PLXNA4: variants seen among roughly 807,000 people sequenced by gnomAD.
PLXNA4 encodes the protein plexin A4, also known as plexin-A4.
PLXNA4 carries 44 observed loss-of-function variants against 191.8 expected under a neutral mutation model. The ratio of observed to expected loss-of-function variants is 0.23; its 90% CI spans 0.18 to 0.29. The LOEUF is 0.29. Ranked by LOEUF, PLXNA4 falls within the 10% of genes least tolerant of loss-of-function variation. The probability of loss-of-function intolerance (pLI) is 1.00; values close to 1 mark genes in which losing one functional copy is unlikely to be tolerated. For synonymous variants in PLXNA4, 1,082 were observed against 1,009.5 expected (o/e 1.07, Z -1.36); for missense variants, 1,800 against 2,488.8 (o/e 0.72, Z 5.89).
At chr7:132,505,936 C>A (rs1425207687) in intron 2 of PLXNA4, among the ~76,000 whole-genome samples, 1 of 152,130 alleles carries the variant, frequency 6.6e-6, no homozygotes, top group Non-Finnish European at 1.5e-5. Context: ...CAAAGGTTGT[C>A]ACCTGCTAGG....
chr7:132,304,739 C>CT (rs5887565), intron 3 of PLXNA4, among the ~76,000 whole-genome samples: 50,712 of 151,650 alleles, frequency 0.33, 9,855 homozygotes, highest in African/African-American at 0.53. Flanking sequence ...GACTATCCCC[C>CT]GGAGGCATGC....
At chr7:132,463,928 G>A (rs1796606380) in intron 3 of PLXNA4, among the ~76,000 whole-genome samples, 1 of 152,170 alleles carries the variant, frequency 6.6e-6, no homozygotes, top group Non-Finnish European at 1.5e-5. Flanking sequence ...CCAGGAGCCT[G>A]TCCAATACAT....
rs1360791334 is a variant in PLXNA4 at position 132,507,698 on chromosome 7, A to G, written c.996T>C (p.Asp332=). 1 of 1,614,220 alleles carries G rather than the reference A, an allele frequency of 6.2e-7. No individual in the cohort carries two copies. Among genetic ancestry groups the G allele is most frequent in the Admixed American group, 1.7e-5 (1 of 60,026 alleles). ...TGGAGAAGACGGTGAAGAGCAGGTC[A>G]TCATCTGGATGGACTCCAAGGGTCC... ...LGRTLGVHPD[D]DLLFTVFSKG... The change falls in exon 2 of 32, where the codon GAT becomes GAC. Residue 332 remains aspartate, a synonymous_variant. Coordinates refer to ENST00000321063, the MANE Select transcript of PLXNA4 (RefSeq NM_020911.2).
chr7:132,247,699 C>A (rs1455437180), intron 4 of PLXNA4, among the ~76,000 whole-genome samples: 1 of 152,214 alleles, frequency 6.6e-6, no homozygotes, highest in Non-Finnish European at 1.5e-5. Context: ...TTTATTTCTG[C>A]TGGCCAGGGA....
chr7:132,454,299 A>C (rs2117318998), intron 3 of PLXNA4, among the ~76,000 whole-genome samples: 1 of 152,316 alleles, frequency 6.6e-6, no homozygotes, highest in African/African-American at 2.4e-5. Flanking sequence ...CTCATCTCAA[A>C]GTTCTTGTTC....
Position 132,130,339 on chromosome 7 carries a change from CAGAGAGAAAG to C in PLXNA4, c.*130_*139del, listed in dbSNP as rs759010824. ...GGAAGGAGGGAGAAACGGAAAGAGG[CAGAGAGAAAG>C]AGAGAGAAACAGCGCTGCTCAGGGG... On this transcript the variant is annotated 3_prime_UTR_variant, in exon 32 of 32. Coordinates refer to ENST00000321063, the MANE Select transcript of PLXNA4 (RefSeq NM_020911.2). 24 of 1,184,380 alleles carry C rather than the reference CAGAGAGAAAG, an allele frequency of 2.0e-5. No homozygotes were observed. The highest frequency in any genetic ancestry group is 6.0e-5 in the African/African-American group (4 of 67,188). 73.4% of individuals were successfully genotyped at this position (1,184,380 alleles called of 1,614,324 possible). A position where few individuals can be genotyped will look rare whatever the true frequency, so the allele number is the denominator to read the frequency against.
At chr7:132,437,342 G>A (rs2241732) in intron 3 of PLXNA4, among the ~76,000 whole-genome samples, 106,414 of 152,114 alleles carry the variant, frequency 0.7, 43,354 homozygotes, top group Non-Finnish European at 0.91. Flanking sequence ...TAAAGTATCC[G>A]AAGAAATTGA....
At chr7:132,421,644 G>A (rs554379623) in intron 3 of PLXNA4, among the ~76,000 whole-genome samples, 5 of 151,538 alleles carry the variant, frequency 3.3e-5, no homozygotes, top group African/African-American at 1.2e-4. Context: ...AATGACTGTT[G>A]TGAAGAAGAA....
At chr7:132,389,365 T>C (rs532375416) in intron 3 of PLXNA4, among the ~76,000 whole-genome samples, 17 of 152,368 alleles carry the variant, frequency 1.1e-4, no homozygotes, top group African/African-American at 3.8e-4. Context: ...TGAATGGTAT[T>C]GCCTAGGTTT....
At chr7:132,261,490 C>T (rs1799643610) in intron 4 of PLXNA4, among the ~76,000 whole-genome samples, 1 of 152,222 alleles carries the variant, frequency 6.6e-6, no homozygotes, top group Non-Finnish European at 1.5e-5. Flanking sequence ...CACTATTTAT[C>T]AATTAGTGTC....
chr7:132,223,164 A>G (rs558098436), intron 9 of PLXNA4, among the ~76,000 whole-genome samples: 41 of 152,288 alleles, frequency 2.7e-4, no homozygotes, highest in Non-Finnish European at 4.6e-4. Context: ...GCCCTGAGGA[A>G]CAGCTGAGGA....
At chr7:132,435,795 G>T (rs1795449075) in intron 3 of PLXNA4, among the ~76,000 whole-genome samples, 1 of 152,078 alleles carries the variant, frequency 6.6e-6, no homozygotes, top group African/African-American at 2.4e-5. Context: ...CTACACATTG[G>T]AGTACCCGCT....
intron 3 of PLXNA4, among the ~76,000 whole-genome samples, chr7:132,412,702 G>A (rs1279653883): frequency 6.6e-6 from 1 of 152,176 alleles, no homozygotes; most frequent in Non-Finnish European, 1.5e-5. Flanking sequence ...GCATGGGGGA[G>A]TTCTTCGTTT....
At chr7:132,540,007 C>T (rs540020522) in intron 1 of PLXNA4, among the ~76,000 whole-genome samples, 12 of 152,266 alleles carry the variant, frequency 7.9e-5, no homozygotes, top group Admixed American at 3.3e-4. Flanking sequence ...TTCCCTTCCC[C>T]GTGGGCATCT....
At chr7:132,567,606 C>T (rs975160837) in intron 1 of PLXNA4, among the ~76,000 whole-genome samples, 27 of 152,266 alleles carry the variant, frequency 1.8e-4, no homozygotes, top group African/African-American at 5.1e-4. Context: ...TTCTTCTCCA[C>T]CTTATCCTAC....
intron 21 of PLXNA4, 114 bp from the exon 22 acceptor site, chr7:132,168,686 A>T (rs1343323509): frequency 7.2e-7 from 1 of 1,395,036 alleles, no homozygotes; most frequent in East Asian, 2.5e-5. Context: ...ATTAAGCCAC[A>T]GTCCACCTGG....
rs554708259 is a variant in PLXNA4, at chr7:132,511,590, A to G, written c.-86-2811T>C. ...TCTGTGGTTTACCTCTGAAAGTATT[A>G]ATGACTGTAAAGCAGCAGCTGCACA... On this transcript the variant is annotated intron_variant, in intron 1 of 31. Coordinates refer to ENST00000321063, the MANE Select transcript of PLXNA4 (RefSeq NM_020911.2). 4.4e-4 allele frequency among the ~76,000 whole-genome samples: 67 copies of G among 152,318 alleles called. 1 individual carries two copies. The South Asian group carries it at 0.013, about 29-fold the overall frequency.
At chr7:132,165,083 T>C in intron 23 of PLXNA4, 51 bp downstream of exon 23, 1 of 1,594,810 alleles carries the variant, frequency 6.3e-7, no homozygotes, top group Non-Finnish European at 8.6e-7. Flanking sequence ...CCAGTCAGGC[T>C]GCAGAGAATG....
At chr7:132,489,741 C>A (rs1383184040) in intron 2 of PLXNA4, among the ~76,000 whole-genome samples, 1 of 152,140 alleles carries the variant, frequency 6.6e-6, no homozygotes, top group African/African-American at 2.4e-5. Context: ...CCTCATCCAA[C>A]CCCTCCCAGC....
Sources: allele counts gnomAD v4.1 joint callset (sites outside exome capture counted in the v4.1 genomes callset), GRCh38; gene constraint gnomAD v4.1.1; transcripts MANE v1.5; gene names NCBI Gene and HGNC (gene_info 2026-07-23, HGNC 2026-07-21).